Variants in ABL1 observed in about 807,000 individuals in gnomAD.
The protein encoded by ABL1 is tyrosine-protein kinase ABL1.
In ABL1, 11 loss-of-function variants were observed where a neutral mutation model predicts 94.7. That is an observed-to-expected ratio of 0.12 (90% CI 0.07 to 0.19). The LOEUF is 0.19. Ranked by LOEUF, ABL1 falls within the 10% of genes least tolerant of loss-of-function variation. The pLI is 1.00. For missense variants in ABL1, 1,082 were observed against 1,489.4 expected (o/e 0.73, Z 4.50); for synonymous variants, 656 against 622.4 (o/e 1.05, Z -0.80).
chr9:130,744,009 C>A (rs1322452125), intron 1 of ABL1, among the ~76,000 whole-genome samples: 1 of 151,956 alleles, frequency 6.6e-6, no homozygotes, highest in African/African-American at 2.4e-5. Context: ...ATGCTTGCTG[C>A]ATACAAATAT....
At position 130,880,669 on chromosome 9, in the gene ABL1, G is replaced by A; in HGVS notation, c.1678+5G>A. The A allele has an allele frequency of 1.2e-6, 2 of 1,612,640 alleles. No individual in the cohort carries two copies. Among genetic ancestry groups the A allele is most frequent in the Non-Finnish European group, 1.7e-6 (2 of 1,179,528 alleles). ...CCAAGGGCCAGGGAGAGAGCGGTAA[G>A]TCCCCCGCTTCCCCCAACCCCACTG... is the stretch of plus-strand genomic sequence containing the variant. On this transcript the variant is annotated splice_donor_5th_base_variant and intron_variant, in intron 10 of 10. Transcript: ENST00000318560. The surrounding 1 kb of genome is among the most constrained non-coding windows in gnomAD (Gnocchi z 4.4).
chr9:130,829,389 G>A (rs1012094596), intron 1 of ABL1, among the ~76,000 whole-genome samples: 4 of 151,888 alleles, frequency 2.6e-5, no homozygotes, highest in South Asian at 2.1e-4. Flanking sequence ...GTGAAACCCC[G>A]TCTCTACTAA....
intron 1 of ABL1, among the ~76,000 whole-genome samples, chr9:130,755,125 A>G (rs929235410): frequency 6.6e-6 from 1 of 152,232 alleles, no homozygotes; most frequent in African/African-American, 2.4e-5. Context: ...TAGATCTTCA[A>G]TAAATAGTTG....
chr9:130,826,678 T>C (rs539891882), intron 1 of ABL1, among the ~76,000 whole-genome samples: 1 of 152,218 alleles, frequency 6.6e-6, no homozygotes, highest in African/African-American at 2.4e-5. Flanking sequence ...AGGGGATCAA[T>C]TGAGAGCCTA....
chr9:130,836,824 C>CAAAAAAAAA (rs565723193), intron 1 of ABL1, among the ~76,000 whole-genome samples: 40 of 77,190 alleles, frequency 5.2e-4, no homozygotes, highest in African/African-American at 1.4e-3. Flanking sequence ...GACTCGGTCT[C>CAAAAAAAAA]AAAAAAAAAA....
At chr9:130,797,029 A>G (rs1162742024) in intron 1 of ABL1, among the ~76,000 whole-genome samples, 6 of 150,396 alleles carry the variant, frequency 4.0e-5, no homozygotes, top group Non-Finnish European at 8.9e-5. Context: ...CGAGATCAGG[A>G]GTTCAAGACC....
chr9:130,790,416 C>T (rs1829890963), intron 1 of ABL1, among the ~76,000 whole-genome samples: 1 of 152,214 alleles, frequency 6.6e-6, no homozygotes, highest in Admixed American at 6.5e-5. Context: ...TAGGTGGCAA[C>T]TCTGGCCTAT....
At chr9:130,877,639 C>CTT (rs754804823) in intron 7 of ABL1, among the ~76,000 whole-genome samples, 4 of 138,440 alleles carry the variant, frequency 2.9e-5, no homozygotes, top group Admixed American at 7.2e-5. Context: ...TCCTGGTCTC[C>CTT]TTTTTTTTTT....
At chr9:130,879,874 G>A (rs1242029192) in intron 8 of ABL1, among the ~76,000 whole-genome samples, 194 bp from the exon 9 acceptor site, 1 of 152,210 alleles carries the variant, frequency 6.6e-6, no homozygotes, top group African/African-American at 2.4e-5. Flanking sequence ...ATTCCTGCCA[G>A]CATCTAACGT....
chr9:130,716,031 C>G (rs1831433738), intron 1 of ABL1, among the ~76,000 whole-genome samples: 1 of 148,422 alleles, frequency 6.7e-6, no homozygotes, highest in African/African-American at 2.5e-5. Context: ...TATATACACA[C>G]ACACACACAC....
chr9:130,806,532 A>G (rs995774258), intron 1 of ABL1, among the ~76,000 whole-genome samples: 14 of 152,206 alleles, frequency 9.2e-5, no homozygotes. Flanking sequence ...AATTAGCATA[A>G]GCAGGGTGCA....
At chr9:130,762,727 C>T (rs754057970) in intron 1 of ABL1, among the ~76,000 whole-genome samples, 15 of 151,848 alleles carry the variant, frequency 9.9e-5, no homozygotes, top group East Asian at 1.9e-4. Flanking sequence ...CTGGCTAACA[C>T]GGTGAAACCC....
intron 1 of ABL1, among the ~76,000 whole-genome samples, chr9:130,725,589 A>G (rs554365411): frequency 6.6e-6 from 1 of 152,184 alleles, no homozygotes; most frequent in Non-Finnish European, 1.5e-5. Flanking sequence ...CATATTGGTC[A>G]GGCTGGTCTC....
chr9:130,760,308 G>A (rs2791742), intron 1 of ABL1, among the ~76,000 whole-genome samples: 45,255 of 151,794 alleles, frequency 0.3, 9,265 homozygotes, highest in African/African-American at 0.56. Context: ...TCTATTAAGA[G>A]CTGGGACACT....
intron 1 of ABL1, among the ~76,000 whole-genome samples, chr9:130,766,072 G>A (rs984079599): frequency 3.3e-5 from 5 of 152,180 alleles, no homozygotes; most frequent in East Asian, 1.9e-4. Flanking sequence ...CATCGCCCAC[G>A]ACCTGTTTCC....
At chr9:130,883,706 C>G (rs1252485270) in intron 10 of ABL1, among the ~76,000 whole-genome samples, 2 of 152,252 alleles carry the variant, frequency 1.3e-5, no homozygotes, top group South Asian at 4.1e-4. Flanking sequence ...GCCAGCTAGC[C>G]GAGAGGCCTA....
intron 6 of ABL1, 51 bp from the exon 7 acceptor site, chr9:130,874,817 A>AAT: frequency 1.3e-6 from 2 of 1,580,560 alleles, no homozygotes; most frequent in Non-Finnish European, 1.7e-6. Flanking sequence ...TGGATTTGTG[A>AAT]AGTGGAAGGT....
At chr9:130,826,179 G>A (rs575463581) in intron 1 of ABL1, among the ~76,000 whole-genome samples, 5 of 151,480 alleles carry the variant, frequency 3.3e-5, no homozygotes, top group East Asian at 1.9e-4. Context: ...AGACAGAGTC[G>A]GCGCAATTTC....
At chr9:130,731,033 G>T (rs1383752329) in intron 1 of ABL1, among the ~76,000 whole-genome samples, 3 of 100,294 alleles carry the variant, frequency 3.0e-5, no homozygotes, top group Admixed American at 1.5e-4. Context: ...TTGAGACAGA[G>T]TCTTGCTCTG....
Sources: allele counts gnomAD v4.1 joint callset (sites outside exome capture counted in the v4.1 genomes callset), GRCh38; gene constraint gnomAD v4.1.1; non-coding constraint Gnocchi (gnomAD v3.1); transcripts MANE v1.5; gene names NCBI Gene and HGNC (gene_info 2026-07-23, HGNC 2026-07-21).